The following ATG7 variants were observed in gnomAD, a reference collection of about 807,000 sequenced individuals.
ATG7 encodes autophagy related 7, also known as ubiquitin-like modifier-activating enzyme ATG7.
In ATG7, 70 loss-of-function variants were observed where a neutral mutation model predicts 82.4. The ratio of observed to expected loss-of-function variants is 0.85; its 90% CI spans 0.70 to 1.04. ATG7 has a LOEUF of 1.04. Ranked by LOEUF, ATG7 falls within the 50% of genes least tolerant of loss-of-function variation. The pLI is 0.00. For missense variants in ATG7, 792 were observed against 864.3 expected (o/e 0.92, Z 1.05); for synonymous variants, 287 against 313.0 (o/e 0.92, Z 0.88).
intron 20 of ATG7, among the ~76,000 whole-genome samples, chr3:11,485,974 G>A (rs375339991): frequency 4.6e-5 from 7 of 152,264 alleles, no homozygotes; most frequent in South Asian, 4.2e-4. Context: ...GTCAGGTAGC[G>A]TGATGCCTCC....
At chr3:11,551,176 G>A (rs534113653) in intron 20 of ATG7, among the ~76,000 whole-genome samples, 19 of 152,176 alleles carry the variant, frequency 1.2e-4, no homozygotes, top group South Asian at 2.1e-4. Context: ...CCTGCGGGCC[G>A]TCTGAGTGTT....
chr3:11,431,750 A>C (rs1340366754), intron 20 of ATG7, among the ~76,000 whole-genome samples: 1 of 152,220 alleles, frequency 6.6e-6, no homozygotes, highest in Non-Finnish European at 1.5e-5. Flanking sequence ...ATGCTATTAC[A>C]ATTTTCCATA....
At chr3:11,501,522 ATAT>A (rs2091316111) in intron 20 of ATG7, among the ~76,000 whole-genome samples, 1 of 149,496 alleles carries the variant, frequency 6.7e-6, no homozygotes, top group Non-Finnish European at 1.5e-5. Context: ...TACGGACTCC[ATAT>A]TATTAATAGA....
chr3:11,488,273 A>C lies in ATG7; in HGVS notation c.2079+61347A>C, dbSNP rs1243626229. 1.9e-4 allele frequency: 51 copies of C among 269,742 alleles called. No homozygotes were observed. In the East Asian group the frequency reaches 3.1e-3, roughly 16 times the overall value. The allele number at this position is 269,742 out of a possible 1,614,324, so 16.7% of individuals were successfully genotyped here. A position where few individuals can be genotyped will look rare whatever the true frequency, so the allele number is the denominator to read the frequency against. On this transcript the variant is annotated intron_variant, in intron 20 of 20. Transcript: ENST00000693202. ...GCCGGGCAGAGGCTGCAATCTCGGC[A>C]CTTTGGGAGGCCAAGGCAGGCGGCT...
intron 20 of ATG7, chr3:11,446,428 G>A: frequency 2.6e-6 from 1 of 381,614 alleles, no homozygotes; most frequent in Non-Finnish European, 5.1e-6. Context: ...TTATATAAAG[G>A]AGGAGACTCC....
chr3:11,517,678 G>A (rs1040584957), intron 20 of ATG7, among the ~76,000 whole-genome samples: 1 of 152,234 alleles, frequency 6.6e-6, no homozygotes, highest in East Asian at 1.9e-4. Context: ...GAAAGGGCCA[G>A]AAAGAGAATG....
At chr3:11,531,365 G>A (rs1306487211) in intron 20 of ATG7, among the ~76,000 whole-genome samples, 1 of 152,162 alleles carries the variant, frequency 6.6e-6, no homozygotes, top group Admixed American at 6.5e-5. Flanking sequence ...TTGGCACTTA[G>A]GTCTGAGCCT....
chr3:11,408,933 A>T (rs1037504968), intron 19 of ATG7, among the ~76,000 whole-genome samples: 2 of 152,166 alleles, frequency 1.3e-5, no homozygotes, highest in Non-Finnish European at 2.9e-5. Context: ...TCATATGCTT[A>T]CTTGTATATC....
chr3:11,343,663 T>G (rs1954029863), intron 13 of ATG7, among the ~76,000 whole-genome samples: 1 of 152,192 alleles, frequency 6.6e-6, no homozygotes, highest in Non-Finnish European at 1.5e-5. Flanking sequence ...ATTTTTTGGT[T>G]ACATGATAAG....
Position 11,299,412 on chromosome 3 carries a change from G to C in ATG7, c.211G>C (p.Asp71His). ...CTTAACATTGGAGTTCAGTGCTTTT[G>C]ACATGTGAGTATTTATTTGTTCAAA... The part of the protein sequence containing the change: ...ARLTLEFSAF[D>H]MSAPTPARCC... Residue 71 changes from aspartate (D) to histidine (H), a missense_variant, in exon 5 of 21, where the codon GAC becomes CAC. By Grantham distance (81) the Asp-to-His change is moderately conservative (BLOSUM62 -1). Coordinates refer to ENST00000693202, the MANE Select transcript of ATG7 (RefSeq NM_001349232.2). 1 of 1,609,228 alleles carries C rather than the reference G, an allele frequency of 6.2e-7. No homozygotes were observed. Among genetic ancestry groups the C allele is most frequent in the Non-Finnish European group, 8.5e-7 (1 of 1,175,582 alleles).
At chr3:11,289,439 A>G (rs1457888136) in intron 3 of ATG7, among the ~76,000 whole-genome samples, 4 of 152,214 alleles carry the variant, frequency 2.6e-5, no homozygotes, top group South Asian at 4.1e-4. Flanking sequence ...ATTCCTCATC[A>G]TGCTGATGTT....
At chr3:11,469,464 AAAAT>A (rs1036957881) in intron 20 of ATG7, among the ~76,000 whole-genome samples, 2 of 152,066 alleles carry the variant, frequency 1.3e-5, no homozygotes, top group Non-Finnish European at 2.9e-5. Context: ...AAAAAAAAGT[AAAAT>A]AAAATCATGC....
At chr3:11,467,157 T>C (rs2086917594) in intron 20 of ATG7, among the ~76,000 whole-genome samples, 1 of 151,798 alleles carries the variant, frequency 6.6e-6, no homozygotes, top group African/African-American at 2.4e-5. Context: ...AAAAAACTGA[T>C]GGCTTCTTAA....
At chr3:11,327,081 G>A (rs1346765961) in intron 9 of ATG7, among the ~76,000 whole-genome samples, 2 of 152,162 alleles carry the variant, frequency 1.3e-5, no homozygotes, top group Admixed American at 6.5e-5. Context: ...TGCAGAGGGG[G>A]AGTCCGTGTA....
At chr3:11,415,417 T>G (rs561336739) in intron 19 of ATG7, among the ~76,000 whole-genome samples, 11 of 152,324 alleles carry the variant, frequency 7.2e-5, no homozygotes, top group African/African-American at 2.6e-4. Context: ...TACTGTAACC[T>G]TTTTCACTTT....
chr3:11,275,326 TA>T (rs1420463846), intron 1 of ATG7, among the ~76,000 whole-genome samples: 1 of 151,778 alleles, frequency 6.6e-6, no homozygotes, highest in Non-Finnish European at 1.5e-5. Flanking sequence ...TGACGTTCGC[TA>T]ATGTCTTCCT....
chr3:11,574,781 A>G, the ATG7 span, among the ~76,000 whole-genome samples: 19 of 121,016 alleles, frequency 1.6e-4, no homozygotes, highest in African/African-American at 5.6e-4. Flanking sequence ...CAATTCAACT[A>G]TATATGTGTG....
intron 1 of ATG7, among the ~76,000 whole-genome samples, chr3:11,274,924 A>G (rs918833801): frequency 6.6e-6 from 1 of 151,986 alleles, no homozygotes; most frequent in Admixed American, 6.6e-5. Flanking sequence ...AACAGATGCG[A>G]CATCCTCTCA....
intron 20 of ATG7, among the ~76,000 whole-genome samples, chr3:11,455,911 G>C (rs1164612547): frequency 6.6e-6 from 1 of 152,168 alleles, no homozygotes; most frequent in East Asian, 1.9e-4. Flanking sequence ...ATCTAAGCCA[G>C]AAATTCTGTA....
Sources: gnomAD v4.1 joint callset for allele counts (sites outside exome capture counted in the v4.1 genomes callset) on GRCh38, gnomAD v4.1.1 for gene constraint, MANE v1.5 for transcripts, NCBI Gene and HGNC (gene_info 2026-07-23, HGNC 2026-07-21) for gene names.